Variants in SF1 observed in about 807,000 individuals in gnomAD.
SF1 encodes splicing factor 1, also known as branch point-binding protein.
SF1 carries 7 observed loss-of-function variants against 62.5 expected under a neutral mutation model. The observed-to-expected ratio is 0.11, with a 90% CI of 0.06 to 0.21. The LOEUF (loss-of-function observed/expected upper bound fraction) is 0.21. Among genes scored for constraint, SF1 ranks in the 10% least tolerant of loss-of-function variants. SF1 has a pLI of 1.00. For synonymous variants in SF1, 394 were observed against 323.6 expected (o/e 1.22, Z -2.33); for missense variants, 578 against 884.0 (o/e 0.65, Z 4.39).
chr11:64,777,674 C>T, intron 1 of SF1: 1 of 985,602 alleles, frequency 1.0e-6, no homozygotes. Flanking sequence ...CCCGCCACCC[C>T]TGTTCCCGAC....
In SF1 at chr11:64,768,131, G is replaced by T. The variant is rs780531920; in HGVS notation, c.1043C>A (p.Ala348Asp). 1.9e-6 allele frequency: 3 copies of T among 1,611,720 alleles called. No individual in the cohort carries two copies. Residue 348 changes from alanine (A) to aspartate (D), a missense_variant, in exon 9 of 13, where the codon GCT (alanine) becomes GAT (aspartate). Ala to Asp is a moderately radical substitution (Grantham distance 126). This residue lies in a region of SF1 where 410 missense variants were observed against 452.4 expected (regional missense o/e 0.91). Transcript: ENST00000377390. ...CGGTGGAGGTGGGTTGTTGGCGGGA[G>T]CAGCAGGACGAGGTGCGCTGGCCAG... Reference protein sequence around the residue: ...TPLASAPRPAAPANNPPPPSL... With the variant: ...TPLASAPRPADPANNPPPPSL...
In SF1 at chr11:64,767,562, C is replaced by T; in HGVS notation, c.1342+9G>A. ...AGCCCCCAAGGTTTCTGGTCTGACACTTACTTACCCATTGGAGGAGGGCCA... is the reference window on the plus strand; with the variant it reads ...AGCCCCCAAGGTTTCTGGTCTGACATTTACTTACCCATTGGAGGAGGGCCA... On this transcript the variant is annotated intron_variant, in intron 10 of 12. Coordinates refer to ENST00000377390, the MANE Select transcript of SF1 (RefSeq NM_004630.4). The T allele has an allele frequency of 1.3e-6, 2 of 1,542,118 alleles. No individual in the cohort carries two copies. Among genetic ancestry groups the T allele is most frequent in the Non-Finnish European group, 1.7e-6 (2 of 1,147,626 alleles).
chr11:64,778,203 G>T (rs980582552), intron 1 of SF1, 159 bp downstream of exon 1: 1 of 1,106,460 alleles, frequency 9.0e-7, no homozygotes, highest in East Asian at 3.7e-5. Flanking sequence ...GCCGCGAAGG[G>T]GAAGGCCGCG....
At chr11:64,768,609 G>GC (rs377383326) in intron 8 of SF1, among the ~76,000 whole-genome samples, 1 of 152,352 alleles carries the variant, frequency 6.6e-6, no homozygotes, top group East Asian at 1.9e-4. Flanking sequence ...GAAAATCTAT[G>GC]CAAGACTGGC....
At position 64,772,236 on chromosome 11, in the gene SF1, T is replaced by G. The variant is rs959778737; in HGVS notation, c.236+1194A>C. The G allele has an allele frequency of 9.1e-6, 9 of 985,016 alleles. No homozygotes were observed. The African/African-American group carries it at 1.6e-4, about 17-fold the overall frequency. The allele number at this position is 985,016 out of a possible 1,614,324, so 61.0% of individuals were successfully genotyped here. On this transcript the variant is annotated intron_variant, in intron 3 of 12. Coordinates refer to ENST00000377390, the MANE Select transcript of SF1 (RefSeq NM_004630.4). ...TTAAAAATTCAACCTTTGGAGGAAT[T>G]GACTGGTGACCTGTAGACATATTAT...
rs764571104 is a variant in SF1, at chr11:64,776,662, A to G, written c.32-36T>C. 8.7e-6 allele frequency: 14 copies of G among 1,601,912 alleles called. No individual in the cohort carries two copies. In the East Asian group the frequency reaches 1.8e-4, roughly 21 times the overall value. On this transcript the variant is annotated intron_variant, in intron 1 of 12. Transcript: ENST00000377390. Reference sequence around the variant, plus strand: ...GAGACAAAATCCATCCGATGTAAATACAAGTAGTTATCAACAGACAGCTAA... The same window carrying G: ...GAGACAAAATCCATCCGATGTAAATGCAAGTAGTTATCAACAGACAGCTAA...
Position 64,773,485 on chromosome 11 carries a change from G to A in SF1, c.181C>T (p.Leu61=), listed in dbSNP as rs759570765. The A allele has an allele frequency of 1.2e-5, 20 of 1,613,214 alleles. No individual in the cohort carries two copies. Among genetic ancestry groups the A allele is most frequent in the Non-Finnish European group, 1.6e-5 (19 of 1,179,746 alleles). The part of the protein sequence containing the change: ...AYIVQLQIED[L]TRKLRTGDLG... The stretch of plus-strand genomic sequence containing the variant: ...TCTCCTGTGCGCAGTTTACGAGTCA[G>A]GTCTTCTATCTGCAGTTGCACTGGA... The change falls in exon 3 of 13, where the codon CTG becomes TTG. Residue 61 remains leucine, a synonymous_variant. Transcript: ENST00000377390.
chr11:64,773,294 C>A, intron 3 of SF1, 136 bp downstream of exon 3: 1 of 1,460,014 alleles, frequency 6.8e-7, no homozygotes, highest in Non-Finnish European at 9.0e-7. Context: ...CTAATTAAAC[C>A]TTAATCCCCA....
intron 10 of SF1, 51 bp from the exon 11 acceptor site, chr11:64,767,302 G>C (rs1357521174): frequency 6.4e-7 from 1 of 1,560,456 alleles, no homozygotes; most frequent in African/African-American, 1.4e-5. Context: ...AACTGGCCAG[G>C]GAAGCCACCC....
chr11:64,778,300 G>A (rs1375543256), intron 1 of SF1, 62 bp downstream of exon 1: 4 of 1,221,246 alleles, frequency 3.3e-6, no homozygotes, highest in Non-Finnish European at 4.1e-6. Flanking sequence ...CAGGCGGAGG[G>A]CCCGGCTCGA....
At chr11:64,767,974 C>A in intron 9 of SF1, 130 bp from the exon 10 acceptor site, 1 of 1,455,564 alleles carries the variant, frequency 6.9e-7, no homozygotes, top group South Asian at 1.3e-5. Context: ...CCAAACTGGC[C>A]TGAGATCCCG....
intron 3 of SF1, chr11:64,772,315 T>C (rs953512680): frequency 6.1e-6 from 6 of 983,004 alleles, no homozygotes; most frequent in South Asian, 4.7e-5. Flanking sequence ...TGACCTACAA[T>C]GTAAATTTAA....
At chr11:64,777,853 C>A (rs1284777173) in intron 1 of SF1, 1 of 938,640 alleles carries the variant, frequency 1.1e-6, no homozygotes, top group African/African-American at 1.8e-5. Flanking sequence ...CGCCCAGGGG[C>A]GCCTCCGCCC....
chr11:64,767,889 A>C, intron 9 of SF1, 45 bp from the exon 10 acceptor site: 1 of 1,593,036 alleles, frequency 6.3e-7, no homozygotes, highest in Non-Finnish European at 8.5e-7. Flanking sequence ...TGCGCCTCCT[A>C]GTGGCAACAT....
At chr11:64,776,823 T>C (rs1939336347) in intron 1 of SF1, among the ~76,000 whole-genome samples, 197 bp from the exon 2 acceptor site, 1 of 152,206 alleles carries the variant, frequency 6.6e-6, no homozygotes, top group African/African-American at 2.4e-5. Flanking sequence ...CAAGGGTATG[T>C]GGTCCTTGGT....
chr11:64,776,620 G>C lies in SF1; in HGVS notation c.38C>G (p.Pro13Arg). Residue 13 changes from proline to arginine, a missense_variant, in exon 2 of 13, where the codon CCA becomes CGA. This residue lies in a region of SF1 where 37 missense variants were observed against 34.6 expected (regional missense o/e 1.07). Transcript: ENST00000377390. The stretch of plus-strand genomic sequence containing the variant: ...GCGGCTCCTCTTCCGCTTCTTACTT[G>C]GGAAGTCTAAAAGGCAGAGACAAAA... ...TGANATPLDF[P>R]SKKRKRSRWN... 8 of 1,601,006 alleles carry C rather than the reference G, an allele frequency of 5.0e-6. No individual in the cohort carries two copies. The highest frequency in any genetic ancestry group is 6.8e-6 in the Non-Finnish European group (8 of 1,176,488).
Position 64,767,053 on chromosome 11 carries a change from T to A in SF1, c.1429A>T (p.Met477Leu), listed in dbSNP as rs755044104. 8 of 1,566,498 alleles carry A rather than the reference T, an allele frequency of 5.1e-6. No homozygotes were observed. The East Asian group carries it at 1.6e-4, about 31-fold the overall frequency. ...KGMMPPPPMGMMPPPPPPPSG... is the reference protein window; with the variant it reads ...KGMMPPPPMGLMPPPPPPPSG... ...GGAGGCGGCGGCGGCGGCGGCATCA[T>A]GCCCATAGGTGGTGGCGGCATCATA... is the stretch of plus-strand genomic sequence containing the variant. Residue 477 changes from methionine to leucine, a missense_variant, in exon 12 of 13, where the codon ATG becomes TTG. By Grantham distance (15) the Met-to-Leu change is conservative. This residue lies in a region of SF1 where 410 missense variants were observed against 452.4 expected (regional missense o/e 0.91). Transcript: ENST00000377390.
chr11:64,771,768 G>A (rs1458995001), intron 3 of SF1: 4 of 984,866 alleles, frequency 4.1e-6, no homozygotes, highest in Admixed American at 1.2e-4. Context: ...TGCAAGTTAA[G>A]CAGCATCAAA....
chr11:64,770,524 G>A (rs1194287968), intron 3 of SF1, 116 bp from the exon 4 acceptor site: 6 of 1,136,678 alleles, frequency 5.3e-6, no homozygotes, highest in Admixed American at 4.6e-5. Flanking sequence ...AACACTCTTC[G>A]GAGGAACCGA....
Sources: gnomAD v4.1 joint callset for allele counts (sites outside exome capture counted in the v4.1 genomes callset) on GRCh38, gnomAD v4.1.1 for gene constraint, gnomAD v4.1.1 regional missense constraint, MANE v1.5 for transcripts, NCBI Gene and HGNC (gene_info 2026-07-23, HGNC 2026-07-21) for gene names.